Variants in NOMO2 observed in about 807,000 individuals in gnomAD.
NOMO2 encodes NODAL modulator 2.
NOMO2 carries 14 observed loss-of-function variants against 67.1 expected under a neutral mutation model. That is an observed-to-expected ratio of 0.21 (90% CI 0.14 to 0.33). The LOEUF (loss-of-function observed/expected upper bound fraction) is 0.33, where lower values mean the gene tolerates loss of function less well. NOMO2 is among the 10% of genes least tolerant of loss of function. NOMO2 has a pLI of 1.00. For missense variants in NOMO2, 178 were observed against 761.0 expected, an observed-to-expected ratio of 0.23 and a Z score of 9.01; for synonymous variants, 80 against 305.9, an observed-to-expected ratio of 0.26 and a Z score of 7.71.
intron 1 of NOMO2, among the ~76,000 whole-genome samples, chr16:18,560,600 C>T (rs1401958762): frequency 6.6e-6 from 1 of 151,828 alleles, no homozygotes; most frequent in Non-Finnish European, 1.5e-5. Context: ...CAATGCCTGA[C>T]CTCTGACCTC....
chr16:18,555,715 T>C (rs57764604), intron 2 of NOMO2, among the ~76,000 whole-genome samples: 1 of 126,618 alleles, frequency 7.9e-6, no homozygotes, highest in Non-Finnish European at 1.7e-5. Context: ...TTCAAGCGAT[T>C]CTCCTGCCTC....
intron 3 of NOMO2, among the ~76,000 whole-genome samples, chr16:18,553,411 C>T (rs1342800955): frequency 6.6e-6 from 1 of 151,472 alleles, no homozygotes; most frequent in African/African-American, 2.4e-5. Flanking sequence ...GTGAAAGAAA[C>T]TGGATATTAA....
At chr16:18,528,922 T>C (rs1156799074) in intron 15 of NOMO2, among the ~76,000 whole-genome samples, 1 of 137,152 alleles carries the variant, frequency 7.3e-6, no homozygotes. Context: ...GAGCCGAGAT[T>C]GCGCCACTGC....
At chr16:18,525,984 C>A (rs943708571) in intron 16 of NOMO2, among the ~76,000 whole-genome samples, 1 of 151,860 alleles carries the variant, frequency 6.6e-6, no homozygotes, top group African/African-American at 2.4e-5. Context: ...CTTTATTGAG[C>A]CAAATAAACT....
At chr16:18,561,174 A>AAAG in intron 1 of NOMO2, among the ~76,000 whole-genome samples, 1 of 57,138 alleles carries the variant, frequency 1.8e-5, no homozygotes, top group Non-Finnish European at 3.3e-5. Flanking sequence ...CAACTTAATT[A>AAAG]AAAAAAAAAA....
chr16:18,561,173 T>TAAAAAAAAAAAAAAAAAAAAAAA (rs756246897), intron 1 of NOMO2, among the ~76,000 whole-genome samples: 1 of 32,452 alleles, frequency 3.1e-5, no homozygotes, highest in African/African-American at 1.2e-4. Context: ...ACAACTTAAT[T>TAAAAAAAAAAAAAAAAAAAAAAA]AAAAAAAAAA....
At chr16:18,554,170 A>G (rs1473409549) in intron 3 of NOMO2, among the ~76,000 whole-genome samples, 2 of 152,016 alleles carry the variant, frequency 1.3e-5, no homozygotes, top group Non-Finnish European at 2.9e-5. Flanking sequence ...TGTGTGCAGA[A>G]GGGCTGTTTC....
Position 18,531,493 on chromosome 16 carries a change from A to C in NOMO2, c.1510T>G (p.Ser504Ala). The change falls in exon 13 of 31, where the codon TCA becomes GCA. Residue 504 changes from serine to alanine, a missense_variant. Physicochemically the swap from Ser to Ala is moderately conservative, Grantham distance 99 (BLOSUM62 1). Coordinates refer to ENST00000622306, the MANE Select transcript of NOMO2 (RefSeq NM_173614.4). ...AAACAAGAGACTTTCCCAGAAACTG[A>C]TGCCAAGAACTGTACAAAGGCCACA... is the stretch of plus-strand genomic sequence containing the variant. ...MDVAFVQFLA[S>A]VSGKVSCLDT... 1 of 1,611,080 alleles carries C rather than the reference A, an allele frequency of 6.2e-7. No homozygotes were observed. Among genetic ancestry groups the C allele is most frequent in the Non-Finnish European group, 8.5e-7 (1 of 1,178,918 alleles).
At chr16:18,537,002 T>C (rs1333205434) in intron 11 of NOMO2, among the ~76,000 whole-genome samples, 2 of 151,928 alleles carry the variant, frequency 1.3e-5, no homozygotes, top group African/African-American at 2.4e-5. Context: ...AAACTTACTT[T>C]CTTAGCTCCT....
intron 3 of NOMO2, among the ~76,000 whole-genome samples, chr16:18,553,636 C>T (rs1901839612): frequency 7.0e-6 from 1 of 143,300 alleles, no homozygotes; most frequent in Non-Finnish European, 1.5e-5. Flanking sequence ...TCATCCAAGG[C>T]ACTTTTCTGA....
At chr16:18,554,382 G>A (rs1008427949) in intron 3 of NOMO2, among the ~76,000 whole-genome samples, 1 of 151,784 alleles carries the variant, frequency 6.6e-6, no homozygotes, top group Non-Finnish European at 1.5e-5. Context: ...CATCTCATGG[G>A]ACATAAATCT....
At chr16:18,535,382 C>T (rs372785284) in intron 11 of NOMO2, among the ~76,000 whole-genome samples, 5 of 111,256 alleles carry the variant, frequency 4.5e-5, no homozygotes, top group South Asian at 3.4e-4. Context: ...AAATGTACTA[C>T]GTCGGCCAAT....
intron 9 of NOMO2, among the ~76,000 whole-genome samples, chr16:18,540,206 A>T (rs1327287293): frequency 4.1e-5 from 6 of 146,876 alleles, no homozygotes; most frequent in East Asian, 2.0e-4. Context: ...TTATTTTTTT[A>T]TTTTTTTTTT....
At position 18,545,447 on chromosome 16, in the gene NOMO2, C is replaced by T. The variant is rs559091288; in HGVS notation, c.583-1678G>A. ...CTGCAGAAGAGAAAAACCCCCAAAACCAAAAGTCATAAACAGTAAGAAGAG... is the reference window on the plus strand; with the variant it reads ...CTGCAGAAGAGAAAAACCCCCAAAATCAAAAGTCATAAACAGTAAGAAGAG... On this transcript the variant is annotated intron_variant, in intron 6 of 30. Transcript: ENST00000622306. Among the ~76,000 whole-genome samples the T allele has an allele frequency of 4.6e-5, 7 of 151,906 alleles. 1 individual carries two copies. In the South Asian group the frequency reaches 1.5e-3, roughly 32 times the overall value.
At chr16:18,554,489 C>T (rs559502037) in intron 3 of NOMO2, among the ~76,000 whole-genome samples, 34 of 151,920 alleles carry the variant, frequency 2.2e-4, no homozygotes, top group East Asian at 5.8e-4. Context: ...CATCCTGGGA[C>T]GGGAACCAAG....
At position 18,552,972 on chromosome 16, in the gene NOMO2, G is replaced by C. The variant is rs572170689; in HGVS notation, c.302-1433C>G. On this transcript the variant is annotated intron_variant, in intron 3 of 30. Transcript: ENST00000622306. ...AGAAGAGATCACTGATACAAAATAT[G>C]AATATAAAATATAAATATAGGCCAG... 3.3e-3 allele frequency among the ~76,000 whole-genome samples: 504 copies of C among 152,068 alleles called. 2 individuals are homozygous for C. The highest frequency in any genetic ancestry group is 8.9e-3 in the South Asian group (43 of 4,808).
At position 18,562,025 on chromosome 16, in the gene NOMO2, C is replaced by T. The variant is rs1260953713; in HGVS notation, c.16G>A (p.Gly6Ser). 3.3e-6 allele frequency: 5 copies of T among 1,525,728 alleles called. 1 individual carries two copies. Among genetic ancestry groups the T allele is most frequent in the South Asian group, 2.5e-5 (2 of 81,564 alleles). The allele number at this position is 1,525,728 out of a possible 1,614,324, so 94.5% of individuals were successfully genotyped here. A position where few individuals can be genotyped will look rare whatever the true frequency, so the allele number is the denominator to read the frequency against. ...ACCGCGGGCCCCAGCAGCCCCGCGCCCTGGCCCACCAGCATGGCCCGACCT... is the reference window on the plus strand; with the variant it reads ...ACCGCGGGCCCCAGCAGCCCCGCGCTCTGGCCCACCAGCATGGCCCGACCT... MLVGQ[G>S]AGLLGPAVVT... is the part of the protein sequence containing the mutation. The change falls in exon 1 of 31, where the codon GGC becomes AGC. Residue 6 changes from glycine (G) to serine (S), a missense_variant. Coordinates refer to ENST00000622306, the MANE Select transcript of NOMO2 (RefSeq NM_173614.4).
chr16:18,525,222 CA>C (rs536539665), intron 16 of NOMO2, among the ~76,000 whole-genome samples: 150 of 145,470 alleles, frequency 1.0e-3, no homozygotes, highest in African/African-American at 1.3e-3. Context: ...TAGTTACCAT[CA>C]AAAAAAAAAA....
chr16:18,551,272 C>A (rs917409862), intron 4 of NOMO2, among the ~76,000 whole-genome samples, 167 bp downstream of exon 4: 1 of 151,916 alleles, frequency 6.6e-6, no homozygotes, highest in African/African-American at 2.4e-5. Context: ...ACACCTGCTG[C>A]GTTCTACACG....
Sources: gnomAD v4.1 joint callset for allele counts (sites outside exome capture counted in the v4.1 genomes callset) on GRCh38, gnomAD v4.1.1 for gene constraint, MANE v1.5 for transcripts, NCBI Gene and HGNC (gene_info 2026-07-23, HGNC 2026-07-21) for gene names.